The following PRH2 variants were observed in gnomAD, a reference collection of about 807,000 sequenced individuals.
PRH2 encodes the protein proline rich protein HaeIII subfamily 2.
Under a neutral mutation model 22.6 loss-of-function variants are expected in PRH2, and 19 were observed. The ratio of observed to expected loss-of-function variants is 0.84; its 90% CI spans 0.59 to 1.23. The LOEUF (loss-of-function observed/expected upper bound fraction) is 1.23, where lower values mean the gene tolerates loss of function less well. PRH2 is among the 50% of genes most tolerant of loss of function. The pLI, the probability that PRH2 is intolerant of heterozygous loss-of-function variation, is 0.00. For synonymous variants in PRH2, 45 were observed against 72.0 expected, an observed-to-expected ratio of 0.63 and a Z score of 1.90; for missense variants, 109 against 203.0, an observed-to-expected ratio of 0.54 and a Z score of 2.81.
chr12:10,931,103 A>G, intron 3 of PRH2, 23 bp downstream of exon 3: 1 of 1,571,914 alleles, frequency 6.4e-7, no homozygotes, highest in Non-Finnish European at 8.6e-7. Flanking sequence ...TTTATTATCC[A>G]TCAAAGGCTC....
chr12:10,930,150 A>T, intron 1 of PRH2, 119 bp from the exon 2 acceptor site: 4 of 1,187,130 alleles, frequency 3.4e-6, no homozygotes, highest in Non-Finnish European at 5.0e-6. Context: ...AGAGTGGCTG[A>T]TGAGATCTCA....
Position 10,931,068 on chromosome 12 carries a change from G to T in PRH2, c.*6G>T, listed in dbSNP as rs1383310665. On this transcript the variant is annotated 3_prime_UTR_variant, in exon 3 of 4. Coordinates refer to ENST00000396400, the MANE Select transcript of PRH2 (RefSeq NM_001110213.1). ...AGGGGCAGTCTCCTCAGTAATCTAGGATTCAATGATAGGTATGATTCCAGT... is the reference window on the plus strand; with the variant it reads ...AGGGGCAGTCTCCTCAGTAATCTAGTATTCAATGATAGGTATGATTCCAGT... 6 of 1,566,066 alleles carry T rather than the reference G, an allele frequency of 3.8e-6. No individual in the cohort carries two copies. The highest frequency in any genetic ancestry group is 4.3e-4 in the Middle Eastern group (2 of 4,630).
At chr12:10,930,638 C>A (rs1360879916) in intron 2 of PRH2, 24 bp from the exon 3 acceptor site, 2 of 1,613,040 alleles carry the variant, frequency 1.2e-6, no homozygotes, top group African/African-American at 2.7e-5. Context: ...ATGAGCTCAG[C>A]TCTTCTTGTT....
chr12:10,931,616 T>C lies in PRH2; in HGVS notation c.*18+536T>C, dbSNP rs2135870006. ...ACCAAGCTAAATAGCAATTCATTTC[T>C]CCTCCCCTCTACCCTTACCAAAACT... On this transcript the variant is annotated intron_variant, in intron 3 of 3. Coordinates refer to ENST00000396400, the MANE Select transcript of PRH2 (RefSeq NM_001110213.1). Among the ~76,000 whole-genome samples the C allele has an allele frequency of 2.0e-5, 3 of 152,302 alleles. No individual in the cohort carries two copies. The Middle Eastern group carries it at 0.01, about 518-fold the overall frequency.
rs961104065 is a variant in PRH2 at position 10,934,544 on chromosome 12, G to A, written c.*2337G>A. On this transcript the variant is annotated 3_prime_UTR_variant, in exon 4 of 4. Coordinates refer to ENST00000396400, the MANE Select transcript of PRH2 (RefSeq NM_001110213.1). ...GAGAGCTCCAATGTCTAAATGCAACGCTGACAATTTCTTCATCTATCACAT... is the reference window on the plus strand; with the variant it reads ...GAGAGCTCCAATGTCTAAATGCAACACTGACAATTTCTTCATCTATCACAT... 1.3e-5 allele frequency among the ~76,000 whole-genome samples: 2 copies of A among 151,918 alleles called. No individual in the cohort carries two copies. The highest frequency in any genetic ancestry group is 2.9e-5 in the Non-Finnish European group (2 of 67,942).
intron 3 of PRH2, among the ~76,000 whole-genome samples, chr12:10,931,726 C>G (rs1397654153): frequency 6.6e-6 from 1 of 152,020 alleles, no homozygotes; most frequent in African/African-American, 2.4e-5. Context: ...TAATACCACA[C>G]TTTATATTCA....
At chr12:10,931,230 T>A in intron 3 of PRH2, 150 bp downstream of exon 3, 2 of 1,468,908 alleles carry the variant, frequency 1.4e-6, no homozygotes, top group Non-Finnish European at 1.8e-6. Context: ...TGGGATAAGG[T>A]AGCAAGATCT....
At position 10,929,291 on chromosome 12, in the gene PRH2, G is replaced by T; in HGVS notation, c.18G>T (p.Leu6=). ...TCTGCAAGATGCTTCTGATTCTGCT[G>T]TCAGTGGCCCTGCTGGCCTTCAGCT... MLLIL[L]SVALLAFSSA... Residue 6 remains leucine (L), a synonymous_variant, in exon 1 of 4, where the codon CTG becomes CTT. Coordinates refer to ENST00000396400, the MANE Select transcript of PRH2 (RefSeq NM_001110213.1). 2.5e-6 allele frequency: 4 copies of T among 1,614,194 alleles called. No individual in the cohort carries two copies. Among genetic ancestry groups the T allele is most frequent in the Non-Finnish European group, 2.5e-6 (3 of 1,180,038 alleles).
chr12:10,932,085 A>G (rs532472077), intron 3 of PRH2, 141 bp from the exon 4 acceptor site: 13 of 259,082 alleles, frequency 5.0e-5, no homozygotes, highest in African/African-American at 2.8e-4. Context: ...AACAAAGAAA[A>G]TGATATTAAG....
chr12:10,930,660 A>C lies in PRH2; in HGVS notation c.101-2A>C. The C allele has an allele frequency of 6.2e-7, 1 of 1,613,802 alleles. No homozygotes were observed. Among genetic ancestry groups the C allele is most frequent in the Non-Finnish European group, 8.5e-7 (1 of 1,179,788 alleles). ...CAGCTCTTCTTGTTTCAACTCACACAGATGGAGGAGACTCTGAGCAGTTCA... is the reference window on the plus strand; with the variant it reads ...CAGCTCTTCTTGTTTCAACTCACACCGATGGAGGAGACTCTGAGCAGTTCA... On this transcript the variant is annotated splice_acceptor_variant, in intron 2 of 3. Coordinates refer to ENST00000396400, the MANE Select transcript of PRH2 (RefSeq NM_001110213.1). LOFTEE classifies it high-confidence loss of function.
chr12:10,930,128 C>T (rs568027174), intron 1 of PRH2, 141 bp from the exon 2 acceptor site: 216 of 998,742 alleles, frequency 2.2e-4, no homozygotes, highest in Admixed American at 5.9e-4. Context: ...CTTCCACTTC[C>T]GGTAGCATCA....
chr12:10,931,250 A>G, intron 3 of PRH2, 170 bp downstream of exon 3: 2 of 1,405,250 alleles, frequency 1.4e-6, no homozygotes, highest in South Asian at 1.5e-5. Flanking sequence ...TTGTTTTTAA[A>G]CAATCTCTTG....
At chr12:10,929,878 T>G (rs985243288) in intron 1 of PRH2, among the ~76,000 whole-genome samples, 1 of 152,216 alleles carries the variant, frequency 6.6e-6, no homozygotes, top group Admixed American at 6.5e-5. Context: ...ATTTGTAAGA[T>G]TGTATCTAAG....
intron 2 of PRH2, 71 bp downstream of exon 2, chr12:10,930,375 T>C: frequency 1.3e-6 from 2 of 1,557,024 alleles, no homozygotes; most frequent in Non-Finnish European, 1.8e-6. Flanking sequence ...TTCTCCAGTG[T>C]CTTCTTATCA....
chr12:10,932,128 G>A (rs1854118941), intron 3 of PRH2, 98 bp from the exon 4 acceptor site: 3 of 345,862 alleles, frequency 8.7e-6, no homozygotes, highest in African/African-American at 2.1e-5. Context: ...GAGGGCAAAA[G>A]GATGGTTTTG....
intron 3 of PRH2, 169 bp downstream of exon 3, chr12:10,931,249 A>G (rs1252649148): frequency 4.3e-6 from 6 of 1,409,712 alleles, no homozygotes; most frequent in Admixed American, 5.5e-5. Context: ...CTTGTTTTTA[A>G]ACAATCTCTT....
chr12:10,932,134 T>G (rs1950222572), intron 3 of PRH2, 92 bp from the exon 4 acceptor site: 2 of 360,438 alleles, frequency 5.5e-6, no homozygotes, highest in South Asian at 2.0e-5. Context: ...AAAAGGATGG[T>G]TTTGCATCTT....
In PRH2 at chr12:10,930,310, T is replaced by C. The variant is rs543930742; in HGVS notation, c.100+6T>C. The C allele has an allele frequency of 1.9e-5, 30 of 1,610,596 alleles. No homozygotes were observed. In the East Asian group the frequency reaches 6.0e-4, roughly 32 times the overall value. ...CGTTCCCTTGGTAATATCAGGTAAATCCCAATAAATTCTCAGTAAACTCTG... is the reference window on the plus strand; with the variant it reads ...CGTTCCCTTGGTAATATCAGGTAAACCCCAATAAATTCTCAGTAAACTCTG... On this transcript the variant is annotated splice_donor_region_variant and intron_variant, in intron 2 of 3. Transcript: ENST00000396400.
chr12:10,929,258 CA>C lies in PRH2; in HGVS notation c.-15del, dbSNP rs1313545191. 4 of 1,614,158 alleles carry C rather than the reference CA, an allele frequency of 2.5e-6. No homozygotes were observed. In the East Asian group the frequency reaches 6.7e-5, roughly 27 times the overall value. On this transcript the variant is annotated 5_prime_UTR_variant, in exon 1 of 4. Transcript: ENST00000396400. ...CCCAGCATAAAGTTGGGAGTGACAC[CA>C]GAGCCTTCTGCAAGATGCTTCTGAT...
Sources: gnomAD v4.1 joint callset for allele counts (sites outside exome capture counted in the v4.1 genomes callset) on GRCh38, gnomAD v4.1.1 for gene constraint, MANE v1.5 for transcripts, NCBI Gene and HGNC (gene_info 2026-07-23, HGNC 2026-07-21) for gene names.